MTM1: variants seen among roughly 807,000 people sequenced by gnomAD.
MTM1 encodes the protein myotubularin 1.
MTM1 carries 9 observed loss-of-function variants against 52.1 expected under a neutral mutation model. That is an observed-to-expected ratio of 0.17 (90% CI 0.10 to 0.30). MTM1 has a LOEUF of 0.30. MTM1 is among the 10% of genes least tolerant of loss of function. MTM1 has a pLI of 1.00. For synonymous variants in MTM1, 136 were observed against 163.8 expected (o/e 0.83, Z 1.29); for missense variants, 277 against 470.7 (o/e 0.59, Z 3.81).
chrX:150,638,474 GT>G (rs1557413752), intron 6 of MTM1, among the ~76,000 whole-genome samples: 1 of 111,818 alleles, frequency 8.9e-6, no homozygotes, highest in African/African-American at 3.3e-5. Context: ...ACAGAGAACA[GT>G]TAGCTCAGAG....
chrX:150,600,365 C>G (rs2039048479), intron 4 of MTM1, among the ~76,000 whole-genome samples: 1 of 112,025 alleles, frequency 8.9e-6, no homozygotes, highest in South Asian at 3.7e-4. Flanking sequence ...GGAGGTCTGT[C>G]TTAACGGATC....
intron 14 of MTM1, among the ~76,000 whole-genome samples, chrX:150,668,495 T>A (rs1290038530): frequency 3.1e-5 from 3 of 96,139 alleles, no homozygotes; most frequent in Non-Finnish European, 6.2e-5. Flanking sequence ...GAGACCAGCC[T>A]AGGCAACATA....
At chrX:150,587,190 A>G (rs1192291662) in intron 1 of MTM1, among the ~76,000 whole-genome samples, 18 of 111,240 alleles carry the variant, frequency 1.6e-4, no homozygotes, top group Admixed American at 1.4e-3. Context: ...CATTTTGACA[A>G]GCTCTCAATG....
intron 9 of MTM1, among the ~76,000 whole-genome samples, chrX:150,646,664 C>T (rs2039936521): frequency 8.9e-6 from 1 of 112,991 alleles, no homozygotes; most frequent in South Asian, 3.6e-4. Context: ...AAATTGCTCA[C>T]TCCCATTCCA....
chrX:150,621,647 G>A (rs2039483781), intron 6 of MTM1, among the ~76,000 whole-genome samples: 2 of 110,785 alleles, frequency 1.8e-5, no homozygotes, highest in Admixed American at 1.9e-4. Flanking sequence ...CAGTCCCCTC[G>A]TCTCTTGCTT....
chrX:150,589,058 A>G (rs193118127), intron 1 of MTM1, among the ~76,000 whole-genome samples: 1 of 112,146 alleles, frequency 8.9e-6, no homozygotes, highest in East Asian at 2.8e-4. Flanking sequence ...CTTGGGGCTT[A>G]GAGGCCCCAA....
intron 1 of MTM1, among the ~76,000 whole-genome samples, chrX:150,587,219 T>G (rs2148418848): frequency 8.9e-6 from 1 of 111,741 alleles, no homozygotes; most frequent in East Asian, 2.8e-4. Flanking sequence ...AATAGCTTGT[T>G]TTTTAGTTTA....
chrX:150,639,145 G>A, intron 7 of MTM1, 119 bp downstream of exon 7: 1 of 615,824 alleles, frequency 1.6e-6, no homozygotes, highest in Non-Finnish European at 2.8e-6. Flanking sequence ...TCTTTTCAAT[G>A]GTGGTGATAT....
At chrX:150,605,418 C>T (rs2039138720) in intron 4 of MTM1, among the ~76,000 whole-genome samples, 1 of 112,294 alleles carries the variant, frequency 8.9e-6, no homozygotes, top group South Asian at 3.7e-4. Flanking sequence ...TCAGAAACAG[C>T]ACATTCTTCC....
chrX:150,668,425 A>G (rs73620674), intron 14 of MTM1, among the ~76,000 whole-genome samples: 10,821 of 109,675 alleles, frequency 0.099, 486 homozygotes, highest in Middle Eastern at 0.16. Context: ...AGTGGCTCAC[A>G]TCTGCAATCT....
rs1557414652 is a variant in MTM1 at position 150,660,480 on chromosome X, G to A, written c.1463G>A (p.Arg488Lys). 5.2e-6 allele frequency: 6 copies of A among 1,158,141 alleles called. No homozygotes were observed. The South Asian group carries it at 1.1e-4, about 21-fold the overall frequency. ...TTCAACTGTGAATCTGCTCGAGAAA[G>A]ACAGGTGAGTTAAAATGCTATTTTT... The part of the protein sequence containing the change: ...FLFNCESARE[R>K]QKVTERTVSL... Residue 488 changes from arginine to lysine, a missense_variant, in exon 13 of 15, where the codon AGA (arginine) becomes AAA (lysine). Coordinates refer to ENST00000370396, the MANE Select transcript of MTM1 (RefSeq NM_000252.3).
chrX:150,582,118 T>G (rs944461250), intron 1 of MTM1, among the ~76,000 whole-genome samples: 5 of 111,492 alleles, frequency 4.5e-5, no homozygotes, highest in Non-Finnish European at 9.4e-5. Context: ...ATCTCAAATT[T>G]TTTTGGTTGA....
At chrX:150,610,703 C>T (rs1454241006) in intron 4 of MTM1, among the ~76,000 whole-genome samples, 1 of 111,619 alleles carries the variant, frequency 9.0e-6, no homozygotes, top group Non-Finnish European at 1.9e-5. Flanking sequence ...CGGTGGGTGC[C>T]TTTGGTCAGA....
At chrX:150,648,550 A>C (rs1351970245) in intron 9 of MTM1, among the ~76,000 whole-genome samples, 1 of 112,642 alleles carries the variant, frequency 8.9e-6, no homozygotes, top group African/African-American at 3.2e-5. Context: ...TTTTCTTTGC[A>C]AGTCTCAGAA....
At chrX:150,587,129 C>T (rs983987024) in intron 1 of MTM1, among the ~76,000 whole-genome samples, 5 of 110,495 alleles carry the variant, frequency 4.5e-5, no homozygotes, top group Non-Finnish European at 7.6e-5. Flanking sequence ...TACAGAATCC[C>T]TTCCTTTTTT....
chrX:150,664,888 C>T (rs2040280253), intron 14 of MTM1, among the ~76,000 whole-genome samples: 1 of 112,136 alleles, frequency 8.9e-6, no homozygotes, highest in African/African-American at 3.2e-5. Context: ...CCTGTAATCT[C>T]TTCTCACCCA....
chrX:150,633,015 G>A (rs1463192576), intron 6 of MTM1, among the ~76,000 whole-genome samples: 3 of 111,576 alleles, frequency 2.7e-5, no homozygotes, highest in Non-Finnish European at 5.6e-5. Flanking sequence ...TTTCATAGAT[G>A]TGGCCAAAAT....
chrX:150,615,892 T>C (rs1236837206), intron 5 of MTM1, among the ~76,000 whole-genome samples: 5 of 111,608 alleles, frequency 4.5e-5, no homozygotes, highest in African/African-American at 1.6e-4. Flanking sequence ...ATGCTTTATC[T>C]ATTATCCCAG....
chrX:150,656,316 T>C (rs782052678), intron 10 of MTM1, among the ~76,000 whole-genome samples: 2 of 107,804 alleles, frequency 1.9e-5, no homozygotes, highest in African/African-American at 7.0e-5. Context: ...CTAGTGCCCT[T>C]ATAAAAAGAA....
Sources: gnomAD v4.1 joint callset for allele counts (sites outside exome capture counted in the v4.1 genomes callset) on GRCh38, gnomAD v4.1.1 for gene constraint, MANE v1.5 for transcripts, NCBI Gene and HGNC (gene_info 2026-07-23, HGNC 2026-07-21) for gene names.